Variants in RELN observed in about 807,000 individuals in gnomAD.
RELN encodes reelin.
A neutral mutation model predicts 427.6 loss-of-function variants in RELN; 108 were observed. The ratio of observed to expected loss-of-function variants is 0.25; its 90% CI spans 0.22 to 0.30. The LOEUF is 0.30. Among genes scored for constraint, RELN ranks in the 10% least tolerant of loss-of-function variants. The probability of loss-of-function intolerance (pLI) is 1.00; values close to 1 mark genes in which losing one functional copy is unlikely to be tolerated. For synonymous variants in RELN, 1,524 were observed against 1,513.4 expected (o/e 1.01, Z -0.16); for missense variants, 3,715 against 4,302.8 (o/e 0.86, Z 3.82).
At chr7:103,628,892 G>C (rs532012200) in intron 20 of RELN, among the ~76,000 whole-genome samples, 9 of 152,222 alleles carry the variant, frequency 5.9e-5, no homozygotes, top group Admixed American at 4.6e-4. Context: ...AGGATCTCTG[G>C]GCCTAGAAGA....
intron 1 of RELN, among the ~76,000 whole-genome samples, chr7:103,955,487 C>T (rs1381901453): frequency 1.3e-5 from 2 of 152,184 alleles, no homozygotes; most frequent in Non-Finnish European, 2.9e-5. Context: ...CATATTAATC[C>T]TATCAATGAC....
intron 1 of RELN, among the ~76,000 whole-genome samples, chr7:103,978,178 T>C (rs1337929833): frequency 6.6e-6 from 1 of 152,220 alleles, no homozygotes. Flanking sequence ...TTGAATGTAT[T>C]CTTCCTAACC....
intron 55 of RELN, 97 bp downstream of exon 55, chr7:103,497,723 C>T: frequency 1.0e-6 from 1 of 977,206 alleles, no homozygotes; most frequent in Non-Finnish European, 1.6e-6. Flanking sequence ...ACAATTCAAA[C>T]TGTGAAGTCA....
chr7:103,729,893 T>C (rs1790309453), intron 6 of RELN, among the ~76,000 whole-genome samples: 1 of 152,002 alleles, frequency 6.6e-6, no homozygotes, highest in African/African-American at 2.4e-5. Flanking sequence ...CATTTTCCTC[T>C]ACTCCAGAAT....
chr7:103,661,490 C>T lies in RELN; in HGVS notation c.1327G>A (p.Gly443Arg), dbSNP rs1038416199. 6 of 1,613,582 alleles carry T rather than the reference C, an allele frequency of 3.7e-6. No individual in the cohort carries two copies. The African/African-American group carries it at 5.3e-5, about 14-fold the overall frequency. The change falls in exon 12 of 65, where the codon GGA becomes AGA. Residue 443 changes from glycine (G) to arginine (R), a missense_variant. Gly to Arg is a moderately radical substitution (Grantham distance 125, BLOSUM62 -2). Transcript: ENST00000428762. ...ATTGATAAGCCTGATTCTATCGTTC[C>T]ACATTCTGTACCAATGACAGCTCCC... ...VLGAVIGTEC[G>R]TIESGLSMVF...
intron 16 of RELN, among the ~76,000 whole-genome samples, chr7:103,649,315 C>T (rs558115687): frequency 2.6e-5 from 4 of 152,062 alleles, no homozygotes; most frequent in Admixed American, 2.0e-4. Context: ...GGCCATTATC[C>T]TAAGTGATAT....
At chr7:103,979,003 A>G (rs937713948) in intron 1 of RELN, among the ~76,000 whole-genome samples, 5 of 152,180 alleles carry the variant, frequency 3.3e-5, no homozygotes. Flanking sequence ...TGAGAAAAGA[A>G]AACATCTATA....
intron 2 of RELN, among the ~76,000 whole-genome samples, chr7:103,899,025 T>G (rs1054344542): frequency 1.3e-5 from 2 of 151,632 alleles, no homozygotes; most frequent in East Asian, 1.9e-4. Flanking sequence ...AAACTAGTTC[T>G]AAGATAGATA....
intron 3 of RELN, among the ~76,000 whole-genome samples, chr7:103,802,626 T>C (rs958533303): frequency 5.9e-5 from 9 of 152,140 alleles, no homozygotes; most frequent in Non-Finnish European, 1.2e-4. Flanking sequence ...AAGATAATAT[T>C]AGCACTGTGC....
intron 46 of RELN, among the ~76,000 whole-genome samples, chr7:103,525,452 C>A (rs561248987): frequency 6.6e-6 from 1 of 152,172 alleles, no homozygotes; most frequent in Non-Finnish European, 1.5e-5. Context: ...GTGTTCTAAA[C>A]GTCCAGGAAG....
intron 8 of RELN, among the ~76,000 whole-genome samples, chr7:103,718,875 G>C (rs918009329): frequency 6.6e-6 from 1 of 152,090 alleles, no homozygotes; most frequent in African/African-American, 2.4e-5. Context: ...GATGTAAGAG[G>C]TAAGCTAAAT....
chr7:103,631,327 G>A (rs892991787), intron 19 of RELN, among the ~76,000 whole-genome samples: 3 of 110,756 alleles, frequency 2.7e-5, no homozygotes, highest in Non-Finnish European at 5.0e-5. Flanking sequence ...GGAGTCTTGC[G>A]CTGTTGCCCA....
chr7:103,849,121 T>C (rs951955061), intron 2 of RELN, among the ~76,000 whole-genome samples: 4 of 152,172 alleles, frequency 2.6e-5, no homozygotes, highest in Admixed American at 2.6e-4. Flanking sequence ...CTTTTAACAG[T>C]CACAGTTCCT....
At chr7:103,834,133 C>A (rs1793343805) in intron 2 of RELN, among the ~76,000 whole-genome samples, 2 of 152,148 alleles carry the variant, frequency 1.3e-5, no homozygotes, top group South Asian at 4.1e-4. Context: ...TTGGAAAACT[C>A]CCCAGTCCTA....
chr7:103,789,805 C>A (rs1172941808), intron 3 of RELN, among the ~76,000 whole-genome samples: 2 of 152,140 alleles, frequency 1.3e-5, no homozygotes, highest in Admixed American at 1.3e-4. Context: ...ACTAGAAATA[C>A]CATTGCACCC....
intron 45 of RELN, among the ~76,000 whole-genome samples, chr7:103,536,011 A>G (rs1356306829): frequency 6.6e-6 from 1 of 152,156 alleles, no homozygotes. Context: ...TAGTGTTCAA[A>G]CTGTTAATAA....
Position 103,989,028 on chromosome 7 carries a change from T to G in RELN, c.226+103A>C. 9.6e-7 allele frequency: 1 copy of G among 1,044,580 alleles called. No individual in the cohort carries two copies. The highest frequency in any genetic ancestry group is 1.5e-6 in the Non-Finnish European group (1 of 671,530). 64.7% of individuals were successfully genotyped at this position (1,044,580 alleles called of 1,614,324 possible). A position where few individuals can be genotyped will look rare whatever the true frequency, so the allele number is the denominator to read the frequency against. ...CGCATCGCTGGGGCCAGGGTTGTCATGGTTCTTGTTTCCAAGGCCCCTTGG... is the reference window on the plus strand; with the variant it reads ...CGCATCGCTGGGGCCAGGGTTGTCAGGGTTCTTGTTTCCAAGGCCCCTTGG... On this transcript the variant is annotated intron_variant, in intron 1 of 64. Transcript: ENST00000428762. This position sits in a 1 kb window ranked among gnomAD's most constrained non-coding sequence, Gnocchi z 4.9.
chr7:103,725,237 C>T (rs570384935), intron 7 of RELN, among the ~76,000 whole-genome samples: 10 of 152,212 alleles, frequency 6.6e-5, no homozygotes, highest in African/African-American at 1.9e-4. Context: ...AATTAAAATG[C>T]ATTTTCAAAT....
At chr7:103,475,916 A>G (rs1828015897) in intron 64 of RELN, among the ~76,000 whole-genome samples, 1 of 152,094 alleles carries the variant, frequency 6.6e-6, no homozygotes, top group Admixed American at 6.6e-5. Flanking sequence ...GATTTTAAAT[A>G]TATTTCTAAT....
Sources: allele counts gnomAD v4.1 joint callset (sites outside exome capture counted in the v4.1 genomes callset), GRCh38; gene constraint gnomAD v4.1.1; non-coding constraint Gnocchi (gnomAD v3.1); transcripts MANE v1.5; gene names NCBI Gene and HGNC (gene_info 2026-07-23, HGNC 2026-07-21).